The following ERC2 variants were observed in gnomAD, a reference collection of about 807,000 sequenced individuals.
ERC2 encodes ERC protein 2.
In ERC2, 42 loss-of-function variants were observed where a neutral mutation model predicts 114.8. That is an observed-to-expected ratio of 0.37 (90% CI 0.29 to 0.47). The LOEUF is 0.47. Ranked by LOEUF, ERC2 falls within the 20% of genes least tolerant of loss-of-function variation. ERC2 has a pLI of 0.99. For missense variants in ERC2, 939 were observed against 1,150.7 expected (o/e 0.82, Z 2.66); for synonymous variants, 454 against 425.5 (o/e 1.07, Z -0.82).
intron 14 of ERC2, among the ~76,000 whole-genome samples, chr3:55,853,860 T>G (rs1194080569): frequency 6.6e-6 from 1 of 152,172 alleles, no homozygotes; most frequent in Non-Finnish European, 1.5e-5. Context: ...CACAACAATG[T>G]GAATGTACTT....
At chr3:55,767,325 T>C (rs2067871784) in intron 14 of ERC2, among the ~76,000 whole-genome samples, 1 of 152,218 alleles carries the variant, frequency 6.6e-6, no homozygotes, top group Non-Finnish European at 1.5e-5. Context: ...TGCTAACATA[T>C]CTGCCAGCTC....
intron 17 of ERC2, among the ~76,000 whole-genome samples, chr3:55,628,636 C>A (rs1011254591): frequency 6.6e-6 from 1 of 152,174 alleles, no homozygotes; most frequent in African/African-American, 2.4e-5. Context: ...CAAATCCCTT[C>A]TTCCTTGGAT....
chr3:55,864,646 G>A (rs2062211631), intron 14 of ERC2, among the ~76,000 whole-genome samples: 1 of 152,080 alleles, frequency 6.6e-6, no homozygotes, highest in South Asian at 2.1e-4. Flanking sequence ...GGTGCTCCTG[G>A]CCACCATGTG....
intron 1 of ERC2, among the ~76,000 whole-genome samples, chr3:56,459,771 C>T (rs1436528728): frequency 6.6e-6 from 1 of 152,160 alleles, no homozygotes; most frequent in African/African-American, 2.4e-5. Flanking sequence ...CCTGAAGGTT[C>T]TTCCTGCCTT....
intron 14 of ERC2, among the ~76,000 whole-genome samples, chr3:55,762,753 G>A (rs1237148303): frequency 6.6e-6 from 1 of 151,990 alleles, no homozygotes; most frequent in Non-Finnish European, 1.5e-5. Flanking sequence ...GTCAAACTGG[G>A]GATATTTATT....
At chr3:55,665,413 T>C (rs2061321401) in intron 17 of ERC2, among the ~76,000 whole-genome samples, 1 of 152,166 alleles carries the variant, frequency 6.6e-6, no homozygotes, top group Non-Finnish European at 1.5e-5. Flanking sequence ...GTGACCTTAT[T>C]TGAAAACAGG....
At chr3:55,787,616 C>T (rs1575599439) in intron 14 of ERC2, among the ~76,000 whole-genome samples, 2 of 151,978 alleles carry the variant, frequency 1.3e-5, no homozygotes, top group East Asian at 3.9e-4. Context: ...ACTAACACTC[C>T]ATTTTATTTT....
chr3:55,776,687 G>C (rs2068648007), intron 14 of ERC2, among the ~76,000 whole-genome samples: 2 of 152,180 alleles, frequency 1.3e-5, no homozygotes, highest in African/African-American at 2.4e-5. Flanking sequence ...GAGATTGGGA[G>C]CTGGAGCTGG....
intron 17 of ERC2, among the ~76,000 whole-genome samples, chr3:55,543,621 T>C (rs540491045): frequency 6.6e-6 from 1 of 152,190 alleles, no homozygotes; most frequent in South Asian, 2.1e-4. Context: ...AAGTCTCTCT[T>C]AGTTGTAAGA....
At chr3:56,207,267 AACATGATTTTTTAAATTAAAAAAAC>A (rs1174391305) in intron 3 of ERC2, among the ~76,000 whole-genome samples, 1 of 152,176 alleles carries the variant, frequency 6.6e-6, no homozygotes, top group Non-Finnish European at 1.5e-5. Flanking sequence ...TTACAAAAGT[AACATGATTTTTTAAATTAAAAAAAC>A]ACACAATAGT....
chr3:55,814,942 A>G (rs1351372320), intron 14 of ERC2, among the ~76,000 whole-genome samples: 1 of 152,138 alleles, frequency 6.6e-6, no homozygotes, highest in Non-Finnish European at 1.5e-5. Flanking sequence ...TAGACAAGAT[A>G]CCCCATCCAG....
chr3:55,688,524 T>C (rs2062456570), intron 16 of ERC2, among the ~76,000 whole-genome samples: 1 of 152,128 alleles, frequency 6.6e-6, no homozygotes, highest in Non-Finnish European at 1.5e-5. Flanking sequence ...AGAAGACATT[T>C]GTTGGTTCTG....
chr3:55,850,146 C>T (rs980319944), intron 14 of ERC2, among the ~76,000 whole-genome samples: 4 of 152,202 alleles, frequency 2.6e-5, no homozygotes, highest in Non-Finnish European at 1.5e-5. Flanking sequence ...ATGCGAACTT[C>T]TGGTCTGTGT....
At chr3:55,824,338 C>A (rs1055729331) in intron 14 of ERC2, among the ~76,000 whole-genome samples, 1 of 152,170 alleles carries the variant, frequency 6.6e-6, no homozygotes, top group South Asian at 2.1e-4. Flanking sequence ...GATGGCCAAC[C>A]TTCCATCATC....
At chr3:55,798,788 A>G (rs1435605272) in intron 14 of ERC2, among the ~76,000 whole-genome samples, 1 of 152,188 alleles carries the variant, frequency 6.6e-6, no homozygotes, top group Non-Finnish European at 1.5e-5. Flanking sequence ...ATTTTCAGAG[A>G]AACGAAAATT....
At chr3:56,058,954 C>T (rs1576749182) in intron 7 of ERC2, among the ~76,000 whole-genome samples, 1 of 152,182 alleles carries the variant, frequency 6.6e-6, no homozygotes, top group African/African-American at 2.4e-5. Context: ...ACCACAGAAA[C>T]TTTGGTCCAG....
chr3:55,745,038 A>T (rs2148950615), intron 14 of ERC2, among the ~76,000 whole-genome samples: 1 of 152,364 alleles, frequency 6.6e-6, no homozygotes, highest in African/African-American at 2.4e-5. Flanking sequence ...ATATCTAAAC[A>T]TGCTCACTGG....
At chr3:56,204,703 A>G (rs1336896133) in intron 3 of ERC2, among the ~76,000 whole-genome samples, 1 of 151,814 alleles carries the variant, frequency 6.6e-6, no homozygotes, top group East Asian at 1.9e-4. Context: ...GGGTTTCACC[A>G]CACTGGCCAG....
chr3:55,880,996 G>A lies in ERC2; in HGVS notation c.2564+7393C>T, dbSNP rs114863581. On this transcript the variant is annotated intron_variant, in intron 14 of 17. Transcript: ENST00000288221. ...CTCTGTGGGCTAGCACAACCCTCTT[G>A]TTTATTGAGTTTATCAATTTTAAGT... Among the ~76,000 whole-genome samples the A allele has an allele frequency of 5.9e-3, 898 of 152,064 alleles. 10 individuals carry two copies. The highest frequency in any genetic ancestry group is 0.021 in the African/African-American group (858 of 41,486).
Sources: gnomAD v4.1 joint callset for allele counts (sites outside exome capture counted in the v4.1 genomes callset) on GRCh38, gnomAD v4.1.1 for gene constraint, MANE v1.5 for transcripts, NCBI Gene and HGNC (gene_info 2026-07-23, HGNC 2026-07-21) for gene names.